The following MAML2 variants were observed in gnomAD, a reference collection of about 807,000 sequenced individuals.
The protein encoded by MAML2 is mastermind-like protein 2.
MAML2 carries 22 observed loss-of-function variants against 96.1 expected under a neutral mutation model. The observed-to-expected ratio is 0.23, with a 90% CI of 0.16 to 0.33. MAML2 has a LOEUF of 0.33. Ranked by LOEUF, MAML2 falls within the 10% of genes least tolerant of loss-of-function variation. The pLI, the probability that MAML2 is intolerant of heterozygous loss-of-function variation, is 1.00. For synonymous variants in MAML2, 561 were observed against 521.3 expected (o/e 1.08, Z -1.04); for missense variants, 1,367 against 1,392.4 (o/e 0.98, Z 0.29).
intron 1 of MAML2, among the ~76,000 whole-genome samples, chr11:96,232,947 C>A (rs1215090518): frequency 6.6e-6 from 1 of 152,140 alleles, no homozygotes; most frequent in Non-Finnish European, 1.5e-5. Context: ...TATTTAAGCC[C>A]TGATCTGTGA....
chr11:96,309,970 T>C (rs1261223059), intron 1 of MAML2, among the ~76,000 whole-genome samples: 1 of 152,090 alleles, frequency 6.6e-6, no homozygotes, highest in Non-Finnish European at 1.5e-5. Context: ...TCAGAAGTGA[T>C]TGGATTACAG....
rs1279359605 is a variant in MAML2, at chr11:95,979,649, T to C, written c.2770A>G (p.Thr924Ala). The C allele has an allele frequency of 6.2e-7, 1 of 1,613,982 alleles. No homozygotes were observed. The highest frequency in any genetic ancestry group is 1.1e-5 in the South Asian group (1 of 91,078). ...LGPSNNNNVA[T>A]FGAGSVGNSQ... ...TTACCAACAGATCCAGCTCCAAAAG[T>C]GGCTACATTGTTATTATTACTTGGC... Residue 924 changes from threonine (T) to alanine (A), a missense_variant, in exon 5 of 5, where the codon ACT becomes GCT. By Grantham distance (58) the Thr-to-Ala change is moderately conservative. Transcript: ENST00000524717.
chr11:96,258,953 C>A (rs953972433), intron 1 of MAML2, among the ~76,000 whole-genome samples: 10 of 152,120 alleles, frequency 6.6e-5, no homozygotes, highest in Admixed American at 5.9e-4. Context: ...GTGGGAGCAA[C>A]TTATTGTGGA....
chr11:96,069,741 C>T (rs1565204954), intron 2 of MAML2, among the ~76,000 whole-genome samples: 1 of 151,782 alleles, frequency 6.6e-6, no homozygotes, highest in South Asian at 2.1e-4. Context: ...GATCTAATTA[C>T]AGGCAGGGCG....
At chr11:96,168,555 A>G (rs1434510036) in intron 1 of MAML2, among the ~76,000 whole-genome samples, 1 of 152,216 alleles carries the variant, frequency 6.6e-6, no homozygotes, top group Non-Finnish European at 1.5e-5. Flanking sequence ...ATTTTGGAAT[A>G]GATCTCAGAA....
rs143033369 is a variant in MAML2 at position 96,108,088 on chromosome 11, A to C, written c.514-14571T>G. ...CACAGGTCACAACCTAAGGCTTGTG[A>C]CTGGCATCTGAAGTGAGAGGGAGTC... On this transcript the variant is annotated intron_variant, in intron 1 of 4. Transcript: ENST00000524717. Among the ~76,000 whole-genome samples, 1,490 of 152,320 alleles carry C rather than the reference A, an allele frequency of 9.8e-3. 16 individuals are homozygous for C. Among genetic ancestry groups the C allele is most frequent in the South Asian group, 0.039 (186 of 4,816 alleles).
intron 2 of MAML2, among the ~76,000 whole-genome samples, chr11:96,025,366 AAGAT>A (rs1858499703): frequency 6.6e-6 from 1 of 152,142 alleles, no homozygotes; most frequent in Non-Finnish European, 1.5e-5. Flanking sequence ...CATGGACATA[AAGAT>A]GGGAACGACA....
Position 95,991,497 on chromosome 11 carries a change from T to C in MAML2, c.2343+23A>G, listed in dbSNP as rs559762380. On this transcript the variant is annotated intron_variant, in intron 3 of 4. Coordinates refer to ENST00000524717, the MANE Select transcript of MAML2 (RefSeq NM_032427.4). Reference sequence around the variant, plus strand: ...CTGTTGGGTCAACAGGTTTGTTCAGTAGAAATTAAGAGAAAGTTTTACCGC... The same window carrying C: ...CTGTTGGGTCAACAGGTTTGTTCAGCAGAAATTAAGAGAAAGTTTTACCGC... 2.2e-4 allele frequency: 351 copies of C among 1,610,708 alleles called. 1 individual carries two copies. The highest frequency in any genetic ancestry group is 3.8e-4 in the Admixed American group (23 of 59,974).
intron 1 of MAML2, among the ~76,000 whole-genome samples, chr11:96,121,780 A>AGTTTTTTTTTTTT (rs1860345914): frequency 2.8e-5 from 1 of 35,244 alleles, no homozygotes; most frequent in African/African-American, 1.3e-4. Context: ...CAACTGCGTG[A>AGTTTTTTTTTTTT]TTTTTTTTTT....
intron 3 of MAML2, among the ~76,000 whole-genome samples, chr11:95,986,386 G>A (rs1337737980): frequency 6.6e-6 from 1 of 151,748 alleles, no homozygotes; most frequent in Non-Finnish European, 1.5e-5. Flanking sequence ...TTTTTTAATA[G>A]AGATGGGCTT....
rs528573471 is a variant in MAML2 at position 96,053,611 on chromosome 11, G to A, written c.2139+38281C>T. Among the ~76,000 whole-genome samples, 6 of 149,732 alleles carry A rather than the reference G, an allele frequency of 4.0e-5. No homozygotes were observed. The East Asian group carries it at 1.2e-3, about 29-fold the overall frequency. ...GGGGCCAGTCTGGAAGAGAGAAGGA[G>A]GGTTAATGGGATGGGGGGGTGACCA... On this transcript the variant is annotated intron_variant, in intron 2 of 4. Transcript: ENST00000524717.
At position 96,009,993 on chromosome 11, in the gene MAML2, A is replaced by C. The variant is rs144798006; in HGVS notation, c.2140-18270T>G. The stretch of plus-strand genomic sequence containing the variant: ...GAAAAGATGTTCCTTAGAGGGTTGC[A>C]GTTCTATGAACTGAATCAGGAACAA... On this transcript the variant is annotated intron_variant, in intron 2 of 4. Coordinates refer to ENST00000524717, the MANE Select transcript of MAML2 (RefSeq NM_032427.4). 2.4e-3 allele frequency among the ~76,000 whole-genome samples: 363 copies of C among 152,336 alleles called. 4 individuals carry two copies. The highest frequency in any genetic ancestry group is 7.1e-4 in the Non-Finnish European group (48 of 68,022).
chr11:96,072,126 T>C (rs571186600), intron 2 of MAML2, among the ~76,000 whole-genome samples: 8 of 152,352 alleles, frequency 5.3e-5, no homozygotes, highest in African/African-American at 1.9e-4. Flanking sequence ...CAAGTAGCTA[T>C]AGAATATCTC....
intron 2 of MAML2, among the ~76,000 whole-genome samples, chr11:96,065,125 A>C (rs539852791): frequency 2.1e-4 from 32 of 152,238 alleles, no homozygotes; most frequent in Non-Finnish European, 3.4e-4. Flanking sequence ...TTAAGAAAAC[A>C]ATTTGGGAAA....
intron 1 of MAML2, among the ~76,000 whole-genome samples, chr11:96,257,813 C>A (rs1049844428): frequency 1.3e-5 from 2 of 152,072 alleles, no homozygotes; most frequent in African/African-American, 4.8e-5. Flanking sequence ...ACGAGAAGGA[C>A]TTACTAGTAA....
At chr11:96,108,563 T>G (rs1262279658) in intron 1 of MAML2, among the ~76,000 whole-genome samples, 1 of 152,178 alleles carries the variant, frequency 6.6e-6, no homozygotes, top group Non-Finnish European at 1.5e-5. Context: ...ATCATTATCC[T>G]TATAGGGCTG....
At chr11:96,097,647 T>A (rs1859854477) in intron 1 of MAML2, among the ~76,000 whole-genome samples, 2 of 152,220 alleles carry the variant, frequency 1.3e-5, no homozygotes, top group African/African-American at 4.8e-5. Flanking sequence ...GTTAAAGAAC[T>A]GTTTCAAAAT....
chr11:96,059,935 A>G (rs895769157), intron 2 of MAML2, among the ~76,000 whole-genome samples: 1 of 152,224 alleles, frequency 6.6e-6, no homozygotes. Context: ...CACTAGATCA[A>G]TGTGTTAAGT....
intron 2 of MAML2, among the ~76,000 whole-genome samples, chr11:96,083,372 C>T (rs1431699041): frequency 6.6e-6 from 1 of 152,174 alleles, no homozygotes; most frequent in Non-Finnish European, 1.5e-5. Context: ...CAGTGAAACT[C>T]TCTTACTTTA....
Sources: allele counts gnomAD v4.1 joint callset (sites outside exome capture counted in the v4.1 genomes callset), GRCh38; gene constraint gnomAD v4.1.1; transcripts MANE v1.5; gene names NCBI Gene and HGNC (gene_info 2026-07-23, HGNC 2026-07-21).